MMP12: variants seen among roughly 807,000 people sequenced by gnomAD.
The protein encoded by MMP12 is macrophage metalloelastase.
A neutral mutation model predicts 45.2 loss-of-function variants in MMP12; 51 were observed. That is an observed-to-expected ratio of 1.13 (90% confidence interval 0.90 to 1.42). The LOEUF (loss-of-function observed/expected upper bound fraction) is 1.42, where lower values mean the gene tolerates loss of function less well. MMP12 is among the 40% of genes most tolerant of loss of function. MMP12 has a pLI of 0.00. For missense variants in MMP12, 530 were observed against 570.8 expected (o/e 0.93, Z 0.73); for synonymous variants, 210 against 193.3 (o/e 1.09, Z -0.72).
intron 2 of MMP12, 51 bp from the exon 3 acceptor site, chr11:102,872,003 G>A: frequency 6.5e-7 from 1 of 1,531,546 alleles, no homozygotes; most frequent in South Asian, 1.3e-5. Context: ...GTGTTATTTT[G>A]TCTTACCACA....
intron 4 of MMP12, among the ~76,000 whole-genome samples, chr11:102,869,679 G>A (rs1370879576): frequency 1.3e-5 from 2 of 152,012 alleles, no homozygotes; most frequent in Non-Finnish European, 2.9e-5. Flanking sequence ...GGGAGACCAA[G>A]GCAGGCGGAT....
In MMP12 at chr11:102,865,718, C is replaced by T; in HGVS notation, c.1205+58G>A. ...GCAGAAAATGTGCCTTCTAGAAAGC[C>T]TCATTCCATATCTGTTTCACAATCT... On this transcript the variant is annotated intron_variant, in intron 8 of 9. Coordinates refer to ENST00000571244, the MANE Select transcript of MMP12 (RefSeq NM_002426.6). The surrounding 1 kb of genome is among the most constrained non-coding windows in gnomAD (Gnocchi z 4.1). 6.9e-7 allele frequency: 1 copy of T among 1,457,668 alleles called. No individual in the cohort carries two copies. Among genetic ancestry groups the T allele is most frequent in the Non-Finnish European group, 9.3e-7 (1 of 1,077,652 alleles). The allele number at this position is 1,457,668 out of a possible 1,614,324, so 90.3% of individuals were successfully genotyped here. A position where few individuals can be genotyped will look rare whatever the true frequency, so the allele number is the denominator to read the frequency against.
intron 1 of MMP12, 81 bp from the exon 2 acceptor site, chr11:102,873,193 G>A: frequency 8.3e-7 from 1 of 1,207,582 alleles, no homozygotes; most frequent in Non-Finnish European, 1.2e-6. Context: ...TGACTCAATT[G>A]CACACTGATG....
At chr11:102,870,535 T>C (rs782158067) in intron 4 of MMP12, among the ~76,000 whole-genome samples, 11 of 152,316 alleles carry the variant, frequency 7.2e-5, no homozygotes, top group Non-Finnish European at 1.5e-4. Flanking sequence ...GACTTTCTCC[T>C]CATTTACTTT....
intron 4 of MMP12, among the ~76,000 whole-genome samples, chr11:102,868,896 C>T (rs1859444336): frequency 6.6e-6 from 1 of 152,094 alleles, no homozygotes; most frequent in Non-Finnish European, 1.5e-5. Context: ...TACCAAGTTA[C>T]AGTGTTTTCT....
At chr11:102,863,243 A>G (rs2134415683) in intron 9 of MMP12, 43 bp from the exon 10 acceptor site, 1 of 1,047,022 alleles carries the variant, frequency 9.6e-7, no homozygotes, top group East Asian at 2.4e-5. Flanking sequence ...CCCTCCCTGT[A>G]TTTCTTTACA....
chr11:102,873,778 C>T (rs191942412), intron 1 of MMP12, among the ~76,000 whole-genome samples: 1 of 152,190 alleles, frequency 6.6e-6, no homozygotes, highest in African/African-American at 2.4e-5. Flanking sequence ...CCGGTAATCC[C>T]AGCACTTTGA....
At chr11:102,864,535 C>A (rs1205345702) in intron 8 of MMP12, among the ~76,000 whole-genome samples, 14 of 152,148 alleles carry the variant, frequency 9.2e-5, no homozygotes, top group Non-Finnish European at 1.6e-4. Flanking sequence ...GATTTGGCAA[C>A]AGCATAGGCC....
chr11:102,871,925 G>A lies in MMP12; in HGVS notation c.378C>T (p.Asn126=), dbSNP rs782729993. Residue 126 remains asparagine, a synonymous_variant, in exon 3 of 10, where the codon AAC becomes AAT. Coordinates refer to ENST00000571244, the MANE Select transcript of MMP12 (RefSeq NM_002426.6). ...GGATTGCGTAGTCAACATCCTCACG[G>A]TTCATGTCAGGTGTGTAATTATTGA... ...YRINNYTPDM[N]REDVDYAIRK... The A allele has an allele frequency of 1.8e-5, 29 of 1,612,620 alleles. No homozygotes were observed. Among genetic ancestry groups the A allele is most frequent in the Non-Finnish European group, 2.5e-5 (29 of 1,179,496 alleles).
In MMP12 at chr11:102,865,811, A is replaced by G. The variant is rs970269256; in HGVS notation, c.1170T>C (p.Tyr390=). 23 of 1,612,404 alleles carry G rather than the reference A, an allele frequency of 1.4e-5. No individual in the cohort carries two copies. Among genetic ancestry groups the G allele is most frequent in the Non-Finnish European group, 2.0e-5 (23 of 1,179,108 alleles). ...IDAAVFNPRF[Y]RTYFFVDNQY... is the part of the protein sequence containing the mutation. ...GGTTATCTACAAAGAAGTAGGTCCT[A>G]TAAAAACGTGGGTTAAAAACAGCTG... is the stretch of plus-strand genomic sequence containing the variant. Residue 390 remains tyrosine, a synonymous_variant, in exon 8 of 10, where the codon TAT becomes TAC. Coordinates refer to ENST00000571244, the MANE Select transcript of MMP12 (RefSeq NM_002426.6). This position sits in a 1 kb window ranked among gnomAD's most constrained non-coding sequence, Gnocchi z 4.1.
intron 2 of MMP12, among the ~76,000 whole-genome samples, chr11:102,872,390 G>A (rs1182951686): frequency 2.0e-5 from 3 of 151,630 alleles, no homozygotes; most frequent in Admixed American, 2.0e-4. Context: ...ACTTAGGCTG[G>A]AGTGCAGTGG....
In MMP12 at chr11:102,873,076, T is replaced by G; in HGVS notation, c.139A>C (p.Lys47Gln). 6.2e-7 allele frequency: 1 copy of G among 1,613,290 alleles called. No homozygotes were observed. Among genetic ancestry groups the G allele is most frequent in the Non-Finnish European group, 8.5e-7 (1 of 1,179,482 alleles). The change falls in exon 2 of 10, where the codon AAA (lysine) becomes CAA (glutamine). Residue 47 changes from lysine to glutamine, a missense_variant. Lys to Gln is a moderately conservative substitution (Grantham distance 53). Transcript: ENST00000571244. ...TATTTCATTTTTGTCACTGGAAGTT[T>G]GTTTATCTCAAGGCCATAAAATTTT... ...LEKFYGLEIN[K>Q]LPVTKMKYSG...
intron 1 of MMP12, 93 bp downstream of exon 1, chr11:102,874,739 GCAAA>G (rs28360358): frequency 0.19 from 149,327 of 792,668 alleles, 16,448 homozygotes; most frequent in African/African-American, 0.36. Flanking sequence ...ATACGTAAAA[GCAAA>G]CAAACAAACA....
Position 102,872,339 on chromosome 11 carries a change from A to AT in MMP12, c.351-388dup, listed in dbSNP as rs28360363. On this transcript the variant is annotated intron_variant, in intron 2 of 9. Transcript: ENST00000571244. ...AGCTTCATTCTCCTTTTATTTGCAG[A>AT]TTTTTTTTTCTTTTTTTTTGAGATG... Among the ~76,000 whole-genome samples the AT allele has an allele frequency of 4.5e-3, 673 of 150,398 alleles. 4 individuals are homozygous for AT. Among genetic ancestry groups the AT allele is most frequent in the African/African-American group, 0.013 (514 of 40,888 alleles).
In MMP12 at chr11:102,871,635, G is replaced by A; in HGVS notation, c.584C>T (p.Ala195Val). ...CCAGAATTCGTCCTCATCGAAATGTGCATCCCCTCCAATGCCAGATCCAGG... is the reference window on the plus strand; with the variant it reads ...CCAGAATTCGTCCTCATCGAAATGTACATCCCCTCCAATGCCAGATCCAGG... ...FGPGSGIGGD[A>V]HFDEDEFWTT... Residue 195 changes from alanine to valine, a missense_variant, in exon 4 of 10, where the codon GCA becomes GTA. Ala to Val is a moderately conservative substitution (Grantham distance 64, BLOSUM62 0). Coordinates refer to ENST00000571244, the MANE Select transcript of MMP12 (RefSeq NM_002426.6). The A allele has an allele frequency of 6.4e-7, 1 of 1,570,334 alleles. No homozygotes were observed. The highest frequency in any genetic ancestry group is 8.6e-7 in the Non-Finnish European group (1 of 1,156,262).
intron 3 of MMP12, 31 bp from the exon 4 acceptor site, chr11:102,871,750 C>G: frequency 6.2e-7 from 1 of 1,613,476 alleles, no homozygotes; most frequent in Non-Finnish European, 8.5e-7. Flanking sequence ...ATTAGTCCTT[C>G]TATACATCCT....
intron 1 of MMP12, among the ~76,000 whole-genome samples, chr11:102,873,393 A>C (rs1859537332): frequency 6.6e-6 from 1 of 152,170 alleles, no homozygotes; most frequent in Admixed American, 6.6e-5. Context: ...TGAGCCCAGG[A>C]GTTCAAGACT....
In MMP12 at chr11:102,871,822, C is replaced by G; in HGVS notation, c.481G>C (p.Val161Leu). ...KINTGMADIL[V>L]VFARGAHGDF... ...TCCCTACCTCCACGGGCAAAAACCA[C>G]CAAAATGTCAGCCATGCCTGTGTTA... The change falls in exon 3 of 10, where the codon GTG (valine) becomes CTG (leucine). Residue 161 changes from valine to leucine, a missense_variant. Transcript: ENST00000571244. The G allele has an allele frequency of 6.2e-7, 1 of 1,613,410 alleles. No homozygotes were observed. Among genetic ancestry groups the G allele is most frequent in the Non-Finnish European group, 8.5e-7 (1 of 1,179,662 alleles).
chr11:102,871,182 A>G (rs569998030), intron 4 of MMP12, among the ~76,000 whole-genome samples: 1 of 152,140 alleles, frequency 6.6e-6, no homozygotes, highest in Non-Finnish European at 1.5e-5. Flanking sequence ...GTAAGTTAGC[A>G]TCATGATACG....
Sources: allele counts gnomAD v4.1 joint callset (sites outside exome capture counted in the v4.1 genomes callset), GRCh38; gene constraint gnomAD v4.1.1; non-coding constraint Gnocchi (gnomAD v3.1); transcripts MANE v1.5; gene names NCBI Gene and HGNC (gene_info 2026-07-23, HGNC 2026-07-21).